The following CENPM variants were observed in gnomAD, a reference collection of about 807,000 sequenced individuals.
CENPM encodes the protein centromere protein M.
CENPM carries 14 observed loss-of-function variants against 19.6 expected under a neutral mutation model. That is an observed-to-expected ratio of 0.71 (90% CI 0.47 to 1.11). CENPM has a LOEUF of 1.11. Ranked by LOEUF, CENPM falls within the 50% of genes most tolerant of loss-of-function variation. CENPM has a pLI of 0.00. For missense variants in CENPM, 239 were observed against 228.4 expected (o/e 1.05, Z -0.30); for synonymous variants, 114 against 101.5 (o/e 1.12, Z -0.74).
intron 5 of CENPM, among the ~76,000 whole-genome samples, chr22:41,939,888 A>AAGAGAAAGAAAGAAAGAAAGAAAG (rs371722909): frequency 1.8e-5 from 1 of 54,280 alleles, no homozygotes; most frequent in Non-Finnish European, 4.6e-5. Context: ...AAAAGAAAGA[A>AAGAGAAAGAAAGAAAGAAAGAAAG]AGAAAGAAAG....
chr22:41,944,231 G>C, intron 4 of CENPM: 1 of 659,530 alleles, frequency 1.5e-6, no homozygotes, highest in Non-Finnish European at 1.9e-6. Context: ...GAGGTCAGGA[G>C]TTCAAGACCA....
chr22:41,935,923 T>G (rs1287851483), downstream of CENPM, among the ~76,000 whole-genome samples: 3 of 149,374 alleles, frequency 2.0e-5, no homozygotes, highest in East Asian at 3.9e-4. Context: ...CAGGCTGGAG[T>G]GCAGTGGTGC....
chr22:41,945,908 C>G lies in CENPM; in HGVS notation c.230+5G>C. The G allele has an allele frequency of 1.2e-6, 2 of 1,612,350 alleles. No homozygotes were observed. Among genetic ancestry groups the G allele is most frequent in the Non-Finnish European group, 1.7e-6 (2 of 1,178,760 alleles). ...GCCCTGACTGCCCCTTCCTCTGGCT[C>G]TCACCTGTATTTGCTGTGAAGATTA... On this transcript the variant is annotated splice_donor_5th_base_variant and intron_variant, in intron 3 of 5. Transcript: ENST00000215980.
downstream of CENPM, among the ~76,000 whole-genome samples, chr22:41,937,381 C>T (rs1330684284): frequency 1.3e-5 from 2 of 152,132 alleles, no homozygotes; most frequent in African/African-American, 2.4e-5. Context: ...CTGCAACCTC[C>T]GCCTCCTGGG....
chr22:41,946,797 A>C, intron 1 of CENPM: 1 of 607,324 alleles, frequency 1.6e-6, no homozygotes, highest in South Asian at 2.0e-5. Flanking sequence ...CTCGCCAATC[A>C]GAAGCTGGGA....
rs1268180534 is a variant in CENPM, at chr22:41,939,878, A to AAAAG, written c.403-686_403-683dup. On this transcript the variant is annotated intron_variant, in intron 5 of 5. Transcript: ENST00000215980. ...AAAGAAAGAAAGAAAGAAAGAAAGAAAAAGAAAGAAAGAAAGAAAGAAAGA... is the reference window on the plus strand; with the variant it reads ...AAAGAAAGAAAGAAAGAAAGAAAGAAAAAGAAAGAAAGAAAGAAAGAAAGAAAGA... 1.6e-3 allele frequency among the ~76,000 whole-genome samples: 115 copies of AAAAG among 72,996 alleles called. 5 individuals are homozygous for AAAAG. The highest frequency in any genetic ancestry group is 6.4e-3 in the Middle Eastern group (1 of 156). 47.9% of individuals were successfully genotyped at this position (72,996 alleles called of 152,430 possible). A position where few individuals can be genotyped will look rare whatever the true frequency, so the allele number is the denominator to read the frequency against.
chr22:41,946,951 T>G (rs1484873872), intron 1 of CENPM, 69 bp downstream of exon 1: 61 of 1,514,310 alleles, frequency 4.0e-5, no homozygotes, highest in Non-Finnish European at 5.5e-6. Context: ...GAGAGCTCAG[T>G]TGACCTAGTG....
chr22:41,938,976 T>C lies in CENPM; in HGVS notation c.*80A>G. On this transcript the variant is annotated 3_prime_UTR_variant, in exon 6 of 6. Coordinates refer to ENST00000215980, the MANE Select transcript of CENPM (RefSeq NM_024053.5). ...GGCTGAGCCTGGGCCTGTCAAGCCC[T>C]GACTGGACATCCTCAACAGAGAATG... 4 of 1,552,640 alleles carry C rather than the reference T, an allele frequency of 2.6e-6. No homozygotes were observed. In the South Asian group the frequency reaches 4.8e-5, roughly 19 times the overall value.
Position 41,947,023 on chromosome 22 carries a change from G to A in CENPM, c.54C>T (p.Ile18=), listed in dbSNP as rs1300676837. 2 of 1,612,750 alleles carry A rather than the reference G, an allele frequency of 1.2e-6. No individual in the cohort carries two copies. Among genetic ancestry groups the A allele is most frequent in the Admixed American group, 1.7e-5 (1 of 60,010 alleles). Residue 18 remains isoleucine (I), a synonymous_variant, in exon 1 of 6, where the codon ATC becomes ATT. Coordinates refer to ENST00000215980, the MANE Select transcript of CENPM (RefSeq NM_024053.5). ...AAGCAGGGCCGCCTGCACCTACCAA[G>A]ATGGTGGCCGTGTTCAGGCCGGGCA... ...DKLPGLNTAT[I]LLVGTEDALL...
chr22:41,937,641 T>C (rs2077689339), downstream of CENPM, among the ~76,000 whole-genome samples: 1 of 152,162 alleles, frequency 6.6e-6, no homozygotes, highest in Non-Finnish European at 1.5e-5. Flanking sequence ...AGCAACCTAC[T>C]CGCAGGCATG....
At chr22:41,929,627 G>A in the CENPM span, among the ~76,000 whole-genome samples, 1 of 152,188 alleles carries the variant, frequency 6.6e-6, no homozygotes, top group African/African-American at 2.4e-5. Context: ...AGAGAGGGAG[G>A]CCAGCTGCTA....
intron 5 of CENPM, among the ~76,000 whole-genome samples, chr22:41,941,895 T>A (rs1339703699): frequency 6.6e-6 from 1 of 152,240 alleles, no homozygotes; most frequent in African/African-American, 2.4e-5. Context: ...GAGACAGTGA[T>A]GAGACCTGCC....
chr22:41,929,675 C>T, the CENPM span, among the ~76,000 whole-genome samples: 2 of 152,168 alleles, frequency 1.3e-5, no homozygotes, highest in African/African-American at 4.8e-5. Flanking sequence ...ACTCATGTGA[C>T]ACAAATGTTT....
chr22:41,946,577 G>C, intron 1 of CENPM, 81 bp from the exon 2 acceptor site: 1 of 1,147,596 alleles, frequency 8.7e-7, no homozygotes, highest in Non-Finnish European at 1.3e-6. Flanking sequence ...ACCCACTCCC[G>C]GGGGGATCGG....
At chr22:41,930,829 T>C in the CENPM span, among the ~76,000 whole-genome samples, 2 of 150,804 alleles carry the variant, frequency 1.3e-5, no homozygotes, top group Admixed American at 6.6e-5. Context: ...CTAATTTCTT[T>C]ATTCAAGTCT....
rs774949456 is a variant in CENPM at position 41,939,120 on chromosome 22, A to AC, written c.478dup (p.Val160GlyfsTer14). ...CAGGGACAGCAGGTTCAGAGCTGAG[A>AC]CACCGGGCACGTGGCCAGCACAGAT... On this transcript the variant is annotated frameshift_variant, in exon 6 of 6. Coordinates refer to ENST00000215980, the MANE Select transcript of CENPM (RefSeq NM_024053.5). LOFTEE classifies it high-confidence loss of function. 2 of 1,613,026 alleles carry AC rather than the reference A, an allele frequency of 1.2e-6. No individual in the cohort carries two copies. The highest frequency in any genetic ancestry group is 2.2e-5 in the South Asian group (2 of 91,084).
chr22:41,935,693 C>T (rs769515292), downstream of CENPM, among the ~76,000 whole-genome samples: 4 of 152,198 alleles, frequency 2.6e-5, no homozygotes, highest in East Asian at 1.9e-4. Flanking sequence ...TCTGCTCCCA[C>T]GCTAAGGGCC....
In CENPM at chr22:41,939,086, G is replaced by A; in HGVS notation, c.513C>T (p.Ser171=). Reference sequence around the variant, plus strand: ...GGTCCTCCAGGGAGGGGCCCTCAGAGCTTCTCAGCAGGGACAGCAGGTTCA... The same window carrying A: ...GGTCCTCCAGGGAGGGGCCCTCAGAACTTCTCAGCAGGGACAGCAGGTTCA... ...SALNLLSLLR[S]SEGPSLEDL The change falls in exon 6 of 6, where the codon AGC becomes AGT. Residue 171 remains serine, a synonymous_variant. Transcript: ENST00000215980. 1 of 1,613,112 alleles carries A rather than the reference G, an allele frequency of 6.2e-7. No homozygotes were observed. The highest frequency in any genetic ancestry group is 8.5e-7 in the Non-Finnish European group (1 of 1,179,992).
chr22:41,943,050 T>C (rs944701346), intron 5 of CENPM, among the ~76,000 whole-genome samples: 2 of 152,150 alleles, frequency 1.3e-5, no homozygotes, highest in African/African-American at 4.8e-5. Flanking sequence ...TCCCTACATA[T>C]GCATCCAACC....
Sources: gnomAD v4.1 joint callset for allele counts (sites outside exome capture counted in the v4.1 genomes callset) on GRCh38, gnomAD v4.1.1 for gene constraint, MANE v1.5 for transcripts, NCBI Gene and HGNC (gene_info 2026-07-23, HGNC 2026-07-21) for gene names.